Variants in RAI1 observed in about 807,000 individuals in gnomAD.
RAI1 encodes retinoic acid-induced protein 1.
In RAI1, 9 loss-of-function variants were observed where a neutral mutation model predicts 123.8. That is an observed-to-expected ratio of 0.07 (90% CI 0.04 to 0.13). The LOEUF (loss-of-function observed/expected upper bound fraction) is 0.13, where lower values mean the gene tolerates loss of function less well. Among genes scored for constraint, RAI1 ranks in the 10% least tolerant of loss-of-function variants. The probability of loss-of-function intolerance (pLI) is 1.00; values close to 1 mark genes in which losing one functional copy is unlikely to be tolerated. For missense variants in RAI1, 2,256 were observed against 2,545.8 expected, an observed-to-expected ratio of 0.89 and a Z score of 2.45; for synonymous variants, 1,231 against 1,127.3, an observed-to-expected ratio of 1.09 and a Z score of -1.84.
intron 2 of RAI1, among the ~76,000 whole-genome samples, chr17:17,756,651 C>A (rs2030449370): frequency 2.1e-5 from 2 of 95,576 alleles, no homozygotes; most frequent in South Asian, 4.6e-4. Flanking sequence ...GAGTCTTCCG[C>A]AAATCCTTGA....
At chr17:17,740,477 A>G (rs1342624215) in intron 2 of RAI1, among the ~76,000 whole-genome samples, 1 of 152,192 alleles carries the variant, frequency 6.6e-6, no homozygotes, top group African/African-American at 2.4e-5. Context: ...TCTGAGCCCT[A>G]AAGAGGACCA....
intron 1 of RAI1, among the ~76,000 whole-genome samples, chr17:17,723,805 G>A (rs1915975099): frequency 6.7e-6 from 1 of 150,214 alleles, no homozygotes; most frequent in Non-Finnish European, 1.5e-5. Context: ...CGCGCTTACC[G>A]AGTGGATGCG....
chr17:17,775,201 A>ATTTT (rs56152905), intron 2 of RAI1, among the ~76,000 whole-genome samples: 23 of 123,432 alleles, frequency 1.9e-4, no homozygotes, highest in Non-Finnish European at 2.0e-4. Context: ...TTCATGTGTA[A>ATTTT]TTTTTTTTTT....
chr17:17,806,260 T>C (rs1338248138), intron 4 of RAI1, among the ~76,000 whole-genome samples: 2 of 152,236 alleles, frequency 1.3e-5, no homozygotes, highest in Non-Finnish European at 2.9e-5. Flanking sequence ...AACTGTTTAG[T>C]GGTGGGACTT....
chr17:17,781,715 C>CAG, intron 2 of RAI1, among the ~76,000 whole-genome samples: 1 of 152,244 alleles, frequency 6.6e-6, no homozygotes, highest in Non-Finnish European at 1.5e-5. Flanking sequence ...CGGTCGCAGG[C>CAG]ACGGGTGGGG....
intron 2 of RAI1, among the ~76,000 whole-genome samples, chr17:17,780,887 T>C (rs1364106852): frequency 6.6e-6 from 1 of 152,214 alleles, no homozygotes; most frequent in Non-Finnish European, 1.5e-5. Context: ...TCTCCCCTTC[T>C]GGGCCAGCCT....
Position 17,800,649 on chromosome 17 carries a change from G to C in RAI1, c.5565+2136G>C, listed in dbSNP as rs1465400849. Among the ~76,000 whole-genome samples the C allele has an allele frequency of 6.6e-6, 1 of 152,248 alleles. No individual in the cohort carries two copies. On this transcript the variant is annotated intron_variant, in intron 3 of 5. Transcript: ENST00000353383. The surrounding 1 kb of genome is among the most constrained non-coding windows in gnomAD (Gnocchi z 4.7). Reference sequence around the variant, plus strand: ...GCTGGAACTTGCCAGCCCAGCCCATGCCTGTCTGCTGTGCCATGCTCCAGA... The same window carrying C: ...GCTGGAACTTGCCAGCCCAGCCCATCCCTGTCTGCTGTGCCATGCTCCAGA...
chr17:17,758,100 A>G (rs964764654), intron 2 of RAI1, among the ~76,000 whole-genome samples: 3 of 152,128 alleles, frequency 2.0e-5, no homozygotes, highest in Non-Finnish European at 2.9e-5. Context: ...ACCTTCATCT[A>G]TTATTAACGC....
At chr17:17,691,816 A>C (rs1483578862) in intron 1 of RAI1, among the ~76,000 whole-genome samples, 2 of 152,216 alleles carry the variant, frequency 1.3e-5, no homozygotes, top group Non-Finnish European at 2.9e-5. Flanking sequence ...GGAGCACCCT[A>C]GCCCCAGGTG....
chr17:17,767,606 C>A (rs2030988456), intron 2 of RAI1, among the ~76,000 whole-genome samples: 1 of 152,112 alleles, frequency 6.6e-6, no homozygotes, highest in Admixed American at 6.5e-5. Flanking sequence ...TTTGGCAGGT[C>A]AGAAAAAAAA....
chr17:17,697,372 C>T lies in RAI1; in HGVS notation c.-149+15579C>T, dbSNP rs150266467. Among the ~76,000 whole-genome samples the T allele has an allele frequency of 3.2e-3, 489 of 152,358 alleles. 4 individuals carry two copies. Among genetic ancestry groups the T allele is most frequent in the African/African-American group, 0.011 (466 of 41,574 alleles). ...ATGGGCACGCCATGCCCTGCCTGGCCACCACCTGCCATCACCGCTGTGTAC... is the reference window on the plus strand; with the variant it reads ...ATGGGCACGCCATGCCCTGCCTGGCTACCACCTGCCATCACCGCTGTGTAC... On this transcript the variant is annotated intron_variant, in intron 1 of 5. Transcript: ENST00000353383.
chr17:17,796,575 T>C lies in RAI1; in HGVS notation c.3627T>C (p.Gly1209=). 5 of 1,611,516 alleles carry C rather than the reference T, an allele frequency of 3.1e-6. No individual in the cohort carries two copies. The highest frequency in any genetic ancestry group is 1.1e-5 in the South Asian group (1 of 91,080). The part of the protein sequence containing the change: ...VSQRARVPKP[G]AGSKLSDRPL... ...AGCGGGCAAGGGTCCCCAAACCTGGTGCAGGCAGCAAGCTCTCTGACCGGC... is the reference window on the plus strand; with the variant it reads ...AGCGGGCAAGGGTCCCCAAACCTGGCGCAGGCAGCAAGCTCTCTGACCGGC... The change falls in exon 3 of 6, where the codon GGT becomes GGC. Residue 1209 remains glycine (G), a synonymous_variant. Transcript: ENST00000353383. The surrounding 1 kb of genome is among the most constrained non-coding windows in gnomAD (Gnocchi z 5.8).
chr17:17,755,634 C>T (rs2030408964), intron 2 of RAI1, among the ~76,000 whole-genome samples: 1 of 152,196 alleles, frequency 6.6e-6, no homozygotes, highest in Non-Finnish European at 1.5e-5. Flanking sequence ...GTGTCCTAGC[C>T]AGCAGGGGTG....
At chr17:17,764,859 G>A (rs2030857596) in intron 2 of RAI1, among the ~76,000 whole-genome samples, 1 of 152,270 alleles carries the variant, frequency 6.6e-6, no homozygotes, top group African/African-American at 2.4e-5. Context: ...CAAAGTGCTG[G>A]GATTATAGGC....
intron 1 of RAI1, among the ~76,000 whole-genome samples, chr17:17,706,618 G>A (rs996936789): frequency 6.6e-6 from 1 of 152,164 alleles, no homozygotes; most frequent in Non-Finnish European, 1.5e-5. Flanking sequence ...AAGTTTGAGG[G>A]ATCAGAGTAG....
intron 1 of RAI1, among the ~76,000 whole-genome samples, chr17:17,691,866 C>T (rs947757963): frequency 3.9e-4 from 59 of 152,266 alleles, no homozygotes; most frequent in African/African-American, 1.3e-3. Context: ...CCCTTTCTCT[C>T]ATTTGCAGCT....
At chr17:17,790,336 C>G (rs572410964) in intron 2 of RAI1, among the ~76,000 whole-genome samples, 1 of 152,306 alleles carries the variant, frequency 6.6e-6, no homozygotes, top group Non-Finnish European at 1.5e-5. Flanking sequence ...TTGGGGCGAG[C>G]ATTTTTGCCT....
intron 2 of RAI1, among the ~76,000 whole-genome samples, chr17:17,773,776 G>A (rs2031246466): frequency 6.6e-6 from 1 of 152,144 alleles, no homozygotes; most frequent in Non-Finnish European, 1.5e-5. Context: ...ACTGGCCACA[G>A]TGCTCCCTCC....
intron 2 of RAI1, among the ~76,000 whole-genome samples, chr17:17,768,820 A>T (rs915885082): frequency 6.6e-6 from 1 of 152,164 alleles, no homozygotes; most frequent in Non-Finnish European, 1.5e-5. Context: ...TGGTGTTAGC[A>T]CTTCTTCCCG....
Sources: gnomAD v4.1 joint callset for allele counts (sites outside exome capture counted in the v4.1 genomes callset) on GRCh38, gnomAD v4.1.1 for gene constraint, Gnocchi (gnomAD v3.1) non-coding constraint, MANE v1.5 for transcripts, NCBI Gene and HGNC (gene_info 2026-07-23, HGNC 2026-07-21) for gene names.